ZNF25: variants seen among roughly 807,000 people sequenced by gnomAD.
ZNF25 encodes zinc finger protein 25, also known as zinc finger protein 25 (KOX 19).
ZNF25 carries 21 observed loss-of-function variants against 30.9 expected under a neutral mutation model. The ratio of observed to expected loss-of-function variants is 0.68; its 90% CI spans 0.48 to 0.98. The LOEUF (loss-of-function observed/expected upper bound fraction) is 0.98, where lower values mean the gene tolerates loss of function less well. Ranked by LOEUF, ZNF25 falls within the 50% of genes least tolerant of loss-of-function variation. The probability of loss-of-function intolerance (pLI) is 0.00; values close to 1 mark genes in which losing one functional copy is unlikely to be tolerated. For missense variants in ZNF25, 501 were observed against 529.9 expected (o/e 0.95, Z 0.54); for synonymous variants, 169 against 181.3 (o/e 0.93, Z 0.55).
At chr10:37,958,756 A>G (rs1399521262) in intron 2 of ZNF25, among the ~76,000 whole-genome samples, 1 of 152,128 alleles carries the variant, frequency 6.6e-6, no homozygotes, top group Non-Finnish European at 1.5e-5. Flanking sequence ...TATCAAAAAA[A>G]AAAAAATTAG....
intron 4 of ZNF25, among the ~76,000 whole-genome samples, chr10:37,954,247 G>A (rs899997974): frequency 1.3e-5 from 2 of 152,164 alleles, no homozygotes; most frequent in Non-Finnish European, 2.9e-5. Context: ...TACTGTGCTA[G>A]GATTCCTAGC....
At chr10:37,953,238 A>C in intron 5 of ZNF25, 43 bp from the exon 6 acceptor site, 1 of 1,522,898 alleles carries the variant, frequency 6.6e-7, no homozygotes. Flanking sequence ...AAGACTTTTA[A>C]GGCTTTTTGT....
intron 1 of ZNF25, among the ~76,000 whole-genome samples, chr10:37,972,392 T>C (rs1460021281): frequency 6.6e-6 from 1 of 152,222 alleles, no homozygotes; most frequent in Non-Finnish European, 1.5e-5. Flanking sequence ...TTAGTTTCAA[T>C]GCTTTTGTCT....
intron 2 of ZNF25, among the ~76,000 whole-genome samples, chr10:37,968,504 C>A (rs1002133581): frequency 6.6e-6 from 1 of 152,080 alleles, no homozygotes; most frequent in Non-Finnish European, 1.5e-5. Flanking sequence ...TACCTGTGTG[C>A]ACCACCAAGC....
intron 1 of ZNF25, among the ~76,000 whole-genome samples, chr10:37,975,489 T>C (rs931320935): frequency 6.6e-6 from 1 of 151,974 alleles, no homozygotes; most frequent in Non-Finnish European, 1.5e-5. Context: ...CATTATAAGA[T>C]CACCACCATA....
At chr10:37,967,020 C>G (rs540681289) in intron 2 of ZNF25, among the ~76,000 whole-genome samples, 1 of 151,998 alleles carries the variant, frequency 6.6e-6, no homozygotes, top group African/African-American at 2.4e-5. Flanking sequence ...ATAGTAGTAA[C>G]CAAAAGAGAG....
rs1403913086 is a variant in ZNF25, at chr10:37,971,749, A to G, written c.-27T>C. ...TTCTGCTGCTCTTGGGAAAGGCTGA[A>G]AACTGCAAAGCCAGAGCAGAAATCA... On this transcript the variant is annotated 5_prime_UTR_variant, in exon 2 of 6. Coordinates refer to ENST00000302609, the MANE Select transcript of ZNF25 (RefSeq NM_145011.4). The G allele has an allele frequency of 1.1e-5, 17 of 1,614,000 alleles. No homozygotes were observed. The highest frequency in any genetic ancestry group is 1.4e-5 in the Non-Finnish European group (17 of 1,180,042).
rs757121983 is a variant in ZNF25 at position 37,952,297 on chromosome 10, T to C, written c.1201A>G (p.Lys401Glu). Residue 401 changes from lysine to glutamate, a missense_variant, in exon 6 of 6, where the codon AAG becomes GAG. Transcript: ENST00000302609. Reference protein sequence around the residue: ...THTGEKPYACKECGKSFSQKS... With the variant: ...THTGEKPYACEECGKSFSQKS... ...TGAGAAAAGGACTTCCCACATTCCT[T>C]GCATGCATAGGGCTTCTCTCCTGTG... 5 of 1,613,854 alleles carry C rather than the reference T, an allele frequency of 3.1e-6. No individual in the cohort carries two copies. In the Admixed American group the frequency reaches 8.3e-5, roughly 27 times the overall value.
chr10:37,957,733 C>T (rs2062621077), intron 2 of ZNF25, among the ~76,000 whole-genome samples, 187 bp from the exon 3 acceptor site: 1 of 151,988 alleles, frequency 6.6e-6, no homozygotes, highest in South Asian at 2.1e-4. Context: ...TACTGAGCTC[C>T]CACTCCATGC....
Position 37,950,446 on chromosome 10 carries a change from C to T in ZNF25, c.*1681G>A, listed in dbSNP as rs1479554220. The stretch of plus-strand genomic sequence containing the variant: ...TCTGATGGACTGTCATTTGTCAAAC[C>T]CTGACTTAGTGTAGTCAGGATCTGC... On this transcript the variant is annotated 3_prime_UTR_variant, in exon 6 of 6. Transcript: ENST00000302609. 1 of 152,466 alleles carries T rather than the reference C, an allele frequency of 6.6e-6. No individual in the cohort carries two copies. The allele number at this position is 152,466 out of a possible 1,614,324, so 9.4% of individuals were successfully genotyped here.
chr10:37,968,004 T>C (rs2063281191), intron 2 of ZNF25: 1 of 152,228 alleles, frequency 6.6e-6, no homozygotes, highest in African/African-American at 2.4e-5. Context: ...TTTGAAATGT[T>C]TGTGCATTAT....
intron 2 of ZNF25, among the ~76,000 whole-genome samples, chr10:37,971,377 A>C (rs2738187): frequency 0.88 from 132,677 of 151,320 alleles, 58,301 homozygotes; most frequent in South Asian, 0.94. Flanking sequence ...TTATGCCAAA[A>C]AGGCAGTAAC....
chr10:37,954,236 T>C (rs2062370886), intron 4 of ZNF25, among the ~76,000 whole-genome samples: 1 of 152,210 alleles, frequency 6.6e-6, no homozygotes, highest in South Asian at 2.1e-4. Flanking sequence ...CAAACCTAGA[T>C]TACTGTGCTA....
rs1009842201 is a variant in ZNF25 at position 37,950,174 on chromosome 10, C to T, written c.*1953G>A. ...TTTGTAAAGTGCTAGATCTTAGGCT[C>T]AAGGGCATGTGGTGTCTGCTACAAC... On this transcript the variant is annotated 3_prime_UTR_variant, in exon 6 of 6. Coordinates refer to ENST00000302609, the MANE Select transcript of ZNF25 (RefSeq NM_145011.4). The T allele has an allele frequency of 6.6e-6, 1 of 152,560 alleles. No homozygotes were observed. Among genetic ancestry groups the T allele is most frequent in the Non-Finnish European group, 1.5e-5 (1 of 68,028 alleles). The allele number at this position is 152,560 out of a possible 1,614,324, so 9.5% of individuals were successfully genotyped here.
At chr10:37,956,532 A>G (rs989858031) in intron 4 of ZNF25, among the ~76,000 whole-genome samples, 1 of 152,200 alleles carries the variant, frequency 6.6e-6, no homozygotes, top group Non-Finnish European at 1.5e-5. Flanking sequence ...ATTTAAGTGG[A>G]GAGAACAAAA....
At position 37,961,918 on chromosome 10, in the gene ZNF25, A is replaced by G. The variant is rs569700102; in HGVS notation, c.16-4372T>C. ...CCTGAGCAACAAAGATTGAAACTCCATCTCAAAAAAAAAAAAAAAAAAAAA... is the reference window on the plus strand; with the variant it reads ...CCTGAGCAACAAAGATTGAAACTCCGTCTCAAAAAAAAAAAAAAAAAAAAA... On this transcript the variant is annotated intron_variant, in intron 2 of 5. Transcript: ENST00000302609. Among the ~76,000 whole-genome samples, 3 of 121,082 alleles carry G rather than the reference A, an allele frequency of 2.5e-5. No individual in the cohort carries two copies. In the East Asian group the frequency reaches 6.6e-4, roughly 27 times the overall value. 79.4% of individuals were successfully genotyped at this position (121,082 alleles called of 152,430 possible).
At chr10:37,972,640 TCAAA>T (rs2063553655) in intron 1 of ZNF25, among the ~76,000 whole-genome samples, 1 of 152,112 alleles carries the variant, frequency 6.6e-6, no homozygotes, top group African/African-American at 2.4e-5. Flanking sequence ...ATCATAATTC[TCAAA>T]CAAGCACTTC....
intron 4 of ZNF25, 31 bp downstream of exon 4, chr10:37,956,989 G>C: frequency 6.4e-7 from 1 of 1,553,658 alleles, no homozygotes; most frequent in Non-Finnish European, 8.9e-7. Context: ...CTACTCACCA[G>C]TAACATGGGA....
At position 37,974,235 on chromosome 10, in the gene ZNF25, A is replaced by G. The variant is rs940391165; in HGVS notation, c.-86+2271T>C. Among the ~76,000 whole-genome samples, 4 of 152,174 alleles carry G rather than the reference A, an allele frequency of 2.6e-5. No individual in the cohort carries two copies. The East Asian group carries it at 7.7e-4, about 29-fold the overall frequency. On this transcript the variant is annotated intron_variant, in intron 1 of 5. Transcript: ENST00000302609. ...TTCTCGGCAAAAATTTTTTGGTAAG[A>G]CCTCAAAAGCACAAGCAACAAAGGC...
Sources: gnomAD v4.1 joint callset for allele counts (sites outside exome capture counted in the v4.1 genomes callset) on GRCh38, gnomAD v4.1.1 for gene constraint, MANE v1.5 for transcripts, NCBI Gene and HGNC (gene_info 2026-07-23, HGNC 2026-07-21) for gene names.